Variants in FBN2 observed in about 807,000 individuals in gnomAD.
The protein encoded by FBN2 is fibrillin 2.
Under a neutral mutation model 355.6 loss-of-function variants are expected in FBN2, and 105 were observed. The ratio of observed to expected loss-of-function variants is 0.30; its 90% CI spans 0.25 to 0.35. The LOEUF is 0.35. FBN2 is among the 10% of genes least tolerant of loss of function. The pLI is 1.00. For synonymous variants in FBN2, 1,350 were observed against 1,301.2 expected (o/e 1.04, Z -0.81); for missense variants, 3,280 against 3,758.7 (o/e 0.87, Z 3.33).
intron 62 of FBN2, among the ~76,000 whole-genome samples, chr5:128,268,394 C>T (rs1765173787): frequency 6.6e-6 from 1 of 152,020 alleles, no homozygotes; most frequent in African/African-American, 2.4e-5. Flanking sequence ...AGCCTACCAA[C>T]CAAAAAAAAG....
At chr5:128,407,725 G>A (rs1244766053) in intron 8 of FBN2, among the ~76,000 whole-genome samples, 2 of 152,028 alleles carry the variant, frequency 1.3e-5, no homozygotes, top group East Asian at 3.9e-4. Context: ...TCCTTTTATT[G>A]GTGGCCTACG....
At chr5:128,361,355 T>A (rs1324347017) in intron 19 of FBN2, among the ~76,000 whole-genome samples, 2 of 152,196 alleles carry the variant, frequency 1.3e-5, no homozygotes, top group African/African-American at 4.8e-5. Context: ...TCCATTACGA[T>A]TCAGGTTCCT....
intron 33 of FBN2, 87 bp downstream of exon 33, chr5:128,330,486 C>A: frequency 6.9e-7 from 1 of 1,449,442 alleles, no homozygotes; most frequent in Non-Finnish European, 9.7e-7. Context: ...CTTTTGTCTC[C>A]TTTAATTATA....
In FBN2 at chr5:128,536,576, A is replaced by T. The variant is rs55761981; in HGVS notation, c.255-92T>A. On this transcript the variant is annotated intron_variant, in intron 1 of 64. Coordinates refer to ENST00000262464, the MANE Select transcript of FBN2 (RefSeq NM_001999.4). Reference sequence around the variant, plus strand: ...CGTAAGCAATGCCCCGAGCGAGTAGATTTCAGGACAACAAACAAATCAAAA... The same window carrying T: ...CGTAAGCAATGCCCCGAGCGAGTAGTTTTCAGGACAACAAACAAATCAAAA... 41 of 849,688 alleles carry T rather than the reference A, an allele frequency of 4.8e-5. No homozygotes were observed. In the East Asian group the frequency reaches 8.4e-4, roughly 17 times the overall value. The allele number at this position is 849,688 out of a possible 1,614,324, so 52.6% of individuals were successfully genotyped here. A position where few individuals can be genotyped will look rare whatever the true frequency, so the allele number is the denominator to read the frequency against.
chr5:128,263,299 G>T, intron 63 of FBN2, 126 bp downstream of exon 63: 1 of 758,834 alleles, frequency 1.3e-6, no homozygotes, highest in East Asian at 2.5e-5. Flanking sequence ...CATACCCGAA[G>T]AGTTCTAATC....
At chr5:128,514,914 A>G (rs901997287) in intron 5 of FBN2, among the ~76,000 whole-genome samples, 2 of 152,212 alleles carry the variant, frequency 1.3e-5, no homozygotes, top group African/African-American at 4.8e-5. Context: ...GAAAGTATCA[A>G]ATTCACTGGG....
At chr5:128,282,120 G>A (rs1416510646) in intron 55 of FBN2, among the ~76,000 whole-genome samples, 1 of 152,004 alleles carries the variant, frequency 6.6e-6, no homozygotes, top group Non-Finnish European at 1.5e-5. Context: ...TCAAAATACA[G>A]CTCCTTTATT....
At chr5:128,414,140 A>G (rs140779271) in intron 7 of FBN2, among the ~76,000 whole-genome samples, 6 of 152,334 alleles carry the variant, frequency 3.9e-5, no homozygotes, top group Admixed American at 3.9e-4. Flanking sequence ...GACATGATTC[A>G]CATGTCATAC....
chr5:128,409,014 C>G (rs1753002591), intron 7 of FBN2, among the ~76,000 whole-genome samples: 2 of 151,842 alleles, frequency 1.3e-5, no homozygotes, highest in South Asian at 4.2e-4. Flanking sequence ...TAAAACAAGG[C>G]CAACTAAAGC....
At chr5:128,307,096 A>T in intron 42 of FBN2, 39 bp downstream of exon 42, 3 of 1,219,970 alleles carry the variant, frequency 2.5e-6, no homozygotes, top group Non-Finnish European at 1.2e-6. Context: ...AGAATGCTAC[A>T]CATATGTATT....
chr5:128,407,734 C>T (rs924498989), intron 8 of FBN2, among the ~76,000 whole-genome samples: 2 of 152,126 alleles, frequency 1.3e-5, no homozygotes, highest in African/African-American at 4.8e-5. Context: ...TGGTGGCCTA[C>T]GACTTCTAGC....
intron 6 of FBN2, among the ~76,000 whole-genome samples, chr5:128,452,102 A>G (rs918447331): frequency 2.0e-5 from 3 of 152,168 alleles, no homozygotes; most frequent in Non-Finnish European, 4.4e-5. Flanking sequence ...CCAAAAAATA[A>G]CCACTTTGGA....
At chr5:128,294,954 T>G (rs1263115595) in intron 48 of FBN2, among the ~76,000 whole-genome samples, 1 of 142,614 alleles carries the variant, frequency 7.0e-6, no homozygotes, top group African/African-American at 2.6e-5. Flanking sequence ...TCTTCTAGGG[T>G]TTTTATGGTT....
chr5:128,282,337 T>G lies in FBN2; in HGVS notation c.7013-2020A>C, dbSNP rs1274898189. ...AAGTAATGAGTTATGAATTAAAAAG[T>G]TTTTTTAGTTTATTATTTCTAGAAT... On this transcript the variant is annotated intron_variant, in intron 55 of 64. Transcript: ENST00000262464. Among the ~76,000 whole-genome samples, 3 of 152,108 alleles carry G rather than the reference T, an allele frequency of 2.0e-5. No homozygotes were observed. The East Asian group carries it at 5.8e-4, about 29-fold the overall frequency.
At chr5:128,486,433 A>C (rs544318200) in intron 5 of FBN2, among the ~76,000 whole-genome samples, 1 of 152,302 alleles carries the variant, frequency 6.6e-6, no homozygotes, top group Admixed American at 6.5e-5. Context: ...GGAAGACAGA[A>C]AAATATTCAA....
rs1043648257 is a variant in FBN2, at chr5:128,310,896, C to G, written c.5074+404G>C. ...GAAGCAAGAATGGCAGCTGCATAAC[C>G]TTTGAACTTCTTCATACCATATAGT... On this transcript the variant is annotated intron_variant, in intron 39 of 64. Coordinates refer to ENST00000262464, the MANE Select transcript of FBN2 (RefSeq NM_001999.4). Among the ~76,000 whole-genome samples the G allele has an allele frequency of 5.3e-5, 8 of 152,174 alleles. No homozygotes were observed. In the South Asian group the frequency reaches 1.5e-3, roughly 28 times the overall value.
At chr5:128,454,310 T>G (rs1005093329) in intron 6 of FBN2, among the ~76,000 whole-genome samples, 1 of 152,228 alleles carries the variant, frequency 6.6e-6, no homozygotes, top group Non-Finnish European at 1.5e-5. Flanking sequence ...AGAGGAATAT[T>G]CTGTTATCTT....
chr5:128,489,556 T>G (rs530647945), intron 5 of FBN2, among the ~76,000 whole-genome samples: 101 of 152,308 alleles, frequency 6.6e-4, no homozygotes, highest in Non-Finnish European at 1.2e-3. Context: ...ATGTCACGAA[T>G]TCATGAATGA....
chr5:128,323,055 T>C lies in FBN2; in HGVS notation c.4472-4054A>G, dbSNP rs1005256230. Among the ~76,000 whole-genome samples the C allele has an allele frequency of 3.3e-5, 5 of 152,024 alleles. No individual in the cohort carries two copies. In the East Asian group the frequency reaches 9.7e-4, roughly 29 times the overall value. On this transcript the variant is annotated intron_variant, in intron 34 of 64. Transcript: ENST00000262464. ...GCAATTGTGAATGGGAGTTCACTCA[T>C]GATTTGGCTATTATTGGTGTATAGG... is the stretch of plus-strand genomic sequence containing the variant.
Sources: gnomAD v4.1 joint callset for allele counts (sites outside exome capture counted in the v4.1 genomes callset) on GRCh38, gnomAD v4.1.1 for gene constraint, MANE v1.5 for transcripts, NCBI Gene and HGNC (gene_info 2026-07-23, HGNC 2026-07-21) for gene names.